Variants in PPP3CB observed in about 807,000 individuals in gnomAD.
PPP3CB encodes protein phosphatase 3 catalytic subunit beta, also known as serine/threonine-protein phosphatase 2B catalytic subunit beta isoform.
In PPP3CB, 8 loss-of-function variants were observed where a neutral mutation model predicts 66.4. That is an observed-to-expected ratio of 0.12 (90% CI 0.07 to 0.22). The LOEUF (loss-of-function observed/expected upper bound fraction) is 0.22. Among genes scored for constraint, PPP3CB ranks in the 10% least tolerant of loss-of-function variants. The pLI is 1.00. For missense variants in PPP3CB, 319 were observed against 642.5 expected (o/e 0.50, Z 5.44); for synonymous variants, 208 against 221.2 (o/e 0.94, Z 0.53).
intron 9 of PPP3CB, chr10:73,467,097 AATTTCTCTTTATG>A (rs1397630908): frequency 6.6e-6 from 1 of 152,128 alleles, no homozygotes; most frequent in Non-Finnish European, 1.5e-5. Context: ...TTACAATCTG[AATTTCTCTTTATG>A]ATTTCTCTTA....
chr10:73,480,004 C>T (rs964368907), intron 1 of PPP3CB, among the ~76,000 whole-genome samples: 7 of 151,790 alleles, frequency 4.6e-5, no homozygotes, highest in African/African-American at 1.7e-4. Context: ...TCAAAAAAAA[C>T]CCCACAACAC....
At chr10:73,467,504 TA>T in intron 9 of PPP3CB, 48 bp downstream of exon 9, 1 of 1,362,764 alleles carries the variant, frequency 7.3e-7, no homozygotes, top group East Asian at 2.6e-5. Context: ...TAAACTGGAG[TA>T]AATGTAACAG....
chr10:73,438,911 AG>A (rs776660754), intron 13 of PPP3CB, among the ~76,000 whole-genome samples: 1 of 152,256 alleles, frequency 6.6e-6, no homozygotes, highest in Non-Finnish European at 1.5e-5. Flanking sequence ...GTTAAAATAC[AG>A]TAGATCAGAA....
chr10:73,462,172 A>G (rs1359635074), intron 9 of PPP3CB, among the ~76,000 whole-genome samples: 1 of 115,956 alleles, frequency 8.6e-6, no homozygotes, highest in Non-Finnish European at 1.7e-5. Flanking sequence ...TTTTTCAGAT[A>G]GAGTCCCATT....
At chr10:73,467,415 C>CA (rs2056635197) in intron 9 of PPP3CB, 138 bp downstream of exon 9, 8 of 611,994 alleles carry the variant, frequency 1.3e-5, no homozygotes, top group Non-Finnish European at 1.5e-5. Context: ...CTTATGTCCA[C>CA]ACCCACTGAC....
intron 2 of PPP3CB, among the ~76,000 whole-genome samples, chr10:73,478,854 C>G (rs552136130): frequency 6.6e-6 from 1 of 152,288 alleles, no homozygotes; most frequent in African/African-American, 2.4e-5. Context: ...CAGTGACAAA[C>G]TGAAATCTAC....
intron 1 of PPP3CB, among the ~76,000 whole-genome samples, chr10:73,485,656 C>T (rs1012383075): frequency 6.6e-6 from 1 of 151,942 alleles, no homozygotes; most frequent in African/African-American, 2.4e-5. Flanking sequence ...TCTTGCTGTT[C>T]TCCCTCCATC....
intron 10 of PPP3CB, among the ~76,000 whole-genome samples, chr10:73,448,337 G>GT (rs2056292464): frequency 6.6e-6 from 1 of 152,112 alleles, no homozygotes; most frequent in East Asian, 1.9e-4. Context: ...AATGGTCACA[G>GT]TAACATTTCT....
At chr10:73,471,247 T>C in intron 5 of PPP3CB, 38 bp from the exon 6 acceptor site, 2 of 1,551,984 alleles carry the variant, frequency 1.3e-6, no homozygotes, top group Non-Finnish European at 1.8e-6. Context: ...AAGTAACTCA[T>C]CAAAAAGTAA....
At position 73,444,424 on chromosome 10, in the gene PPP3CB, T is replaced by C. The variant is rs1378380167; in HGVS notation, c.1366+301A>G. On this transcript the variant is annotated intron_variant, in intron 12 of 13. Coordinates refer to ENST00000360663, the MANE Select transcript of PPP3CB (RefSeq NM_021132.4). ...GGGCTTTTAAAAGAAAAGGGTGAAT[T>C]AGACAGATGAATAAATAAATATTTC... is the stretch of plus-strand genomic sequence containing the variant. The C allele has an allele frequency of 6.8e-6, 5 of 740,032 alleles. No homozygotes were observed. In the African/African-American group the frequency reaches 7.1e-5, roughly 11 times the overall value. The allele number at this position is 740,032 out of a possible 1,614,324, so 45.8% of individuals were successfully genotyped here.
At chr10:73,479,578 A>C in intron 1 of PPP3CB, 61 bp from the exon 2 acceptor site, 1 of 1,480,762 alleles carries the variant, frequency 6.8e-7, no homozygotes, top group Non-Finnish European at 9.3e-7. Flanking sequence ...TTAAAAACTA[A>C]TAATTGGATC....
intron 9 of PPP3CB, among the ~76,000 whole-genome samples, chr10:73,465,719 G>A (rs2056608984): frequency 6.6e-6 from 1 of 152,210 alleles, no homozygotes; most frequent in African/African-American, 2.4e-5. Flanking sequence ...CTTCTTCGAA[G>A]TAAAACAAAT....
intron 8 of PPP3CB, among the ~76,000 whole-genome samples, chr10:73,468,124 TAAAGC>T (rs2056647232): frequency 6.6e-6 from 1 of 152,240 alleles, no homozygotes; most frequent in South Asian, 2.1e-4. Flanking sequence ...TGAATGGTAA[TAAAGC>T]AAACAAAAAA....
At chr10:73,464,432 T>C (rs957817995) in intron 9 of PPP3CB, among the ~76,000 whole-genome samples, 1 of 152,136 alleles carries the variant, frequency 6.6e-6, no homozygotes, top group Admixed American at 6.6e-5. Flanking sequence ...AAATCTTACA[T>C]GTATGACCTT....
chr10:73,490,950 A>C lies in PPP3CB; in HGVS notation c.85+4855T>G, dbSNP rs150864450. ...CAGGTTCAAGTGATTCTCCTGCCTCAGCCTCCCAAGTAGTTAGGATTACAG... is the reference window on the plus strand; with the variant it reads ...CAGGTTCAAGTGATTCTCCTGCCTCCGCCTCCCAAGTAGTTAGGATTACAG... On this transcript the variant is annotated intron_variant, in intron 1 of 13. Transcript: ENST00000360663. Among the ~76,000 whole-genome samples, 26 of 151,006 alleles carry C rather than the reference A, an allele frequency of 1.7e-4. 1 individual carries two copies. The highest frequency in any genetic ancestry group is 6.3e-4 in the African/African-American group (26 of 41,112).
At chr10:73,488,028 G>A (rs1220956181) in intron 1 of PPP3CB, among the ~76,000 whole-genome samples, 4 of 151,816 alleles carry the variant, frequency 2.6e-5, no homozygotes, top group African/African-American at 9.7e-5. Flanking sequence ...TGATCCGCCC[G>A]CCTCCACCTC....
intron 4 of PPP3CB, 43 bp downstream of exon 4, chr10:73,474,876 A>C (rs2056764418): frequency 6.2e-7 from 1 of 1,605,516 alleles, no homozygotes; most frequent in African/African-American, 1.3e-5. Flanking sequence ...TAAGTCCAAA[A>C]GAATACTGAG....
At chr10:73,446,861 AAAAC>A (rs1348859467) in intron 10 of PPP3CB, among the ~76,000 whole-genome samples, 6 of 152,258 alleles carry the variant, frequency 3.9e-5, no homozygotes, top group Non-Finnish European at 7.3e-5. Flanking sequence ...TGGGGAAAAA[AAAAC>A]AAACAAACTT....
intron 1 of PPP3CB, among the ~76,000 whole-genome samples, chr10:73,483,350 G>C (rs988175070): frequency 1.1e-4 from 17 of 152,056 alleles, no homozygotes; most frequent in African/African-American, 4.1e-4. Flanking sequence ...ATAAAAATAG[G>C]CAGTTTCAAA....
Sources: allele counts gnomAD v4.1 joint callset (sites outside exome capture counted in the v4.1 genomes callset), GRCh38; gene constraint gnomAD v4.1.1; transcripts MANE v1.5; gene names NCBI Gene and HGNC (gene_info 2026-07-23, HGNC 2026-07-21).